Variants in GLI1 observed in about 807,000 individuals in gnomAD.
GLI1 encodes transcription activator GLI1.
GLI1 carries 51 observed loss-of-function variants against 87.8 expected under a neutral mutation model. The observed-to-expected ratio is 0.58, with a 90% CI of 0.46 to 0.73. The LOEUF is 0.73. Among genes scored for constraint, GLI1 ranks in the 30% least tolerant of loss-of-function variants. The pLI is 0.00. For synonymous variants in GLI1, 528 were observed against 558.2 expected (o/e 0.95, Z 0.76); for missense variants, 1,292 against 1,437.2 (o/e 0.90, Z 1.63).
intron 3 of GLI1, 143 bp downstream of exon 3, chr12:57,464,234 T>C (rs1871326798): frequency 1.5e-6 from 1 of 679,628 alleles, no homozygotes; most frequent in Non-Finnish European, 2.6e-6. Flanking sequence ...AAGTCACAGA[T>C]GGGGCCGGGC....
At position 57,470,535 on chromosome 12, in the gene GLI1, G is replaced by A. The variant is rs1196728531; in HGVS notation, c.1795G>A (p.Gly599Ser). The A allele has an allele frequency of 1.2e-6, 2 of 1,614,076 alleles. No individual in the cohort carries two copies. Among genetic ancestry groups the A allele is most frequent in the East Asian group, 2.2e-5 (1 of 44,882 alleles). ...GGCAAGATATGCTTCAGCCAGAGGG[G>A]GTGGTACTTCGCCCACTGCAGCATC... ...LRARYASARGGGTSPTAASSL... is the reference protein window; with the variant it reads ...LRARYASARGSGTSPTAASSL... The change falls in exon 12 of 12, where the codon GGT becomes AGT. Residue 599 changes from glycine (G) to serine (S), a missense_variant. Gly to Ser is a moderately conservative substitution (Grantham distance 56). Coordinates refer to ENST00000228682, the MANE Select transcript of GLI1 (RefSeq NM_005269.3).
intron 8 of GLI1, 51 bp downstream of exon 8, chr12:57,466,440 CCTT>C (rs1449474621): frequency 6.8e-7 from 1 of 1,466,360 alleles, no homozygotes; most frequent in South Asian, 1.2e-5. Flanking sequence ...TCAGGGCTCT[CCTT>C]CAAGGTAGGG....
chr12:57,471,504 G>C lies in GLI1; in HGVS notation c.2764G>C (p.Glu922Gln). ...GGGREDAPAQ[E>Q]PSYQSPKFLG... ...GGGCAGGGAAGATGCCCCCGCCCAG[G>C]AACCTTCCTACCAGAGTCCCAAGTT... Residue 922 changes from glutamate to glutamine, a missense_variant, in exon 12 of 12, where the codon GAA (glutamate) becomes CAA (glutamine). Transcript: ENST00000228682. This position sits in a 1 kb window ranked among gnomAD's most constrained non-coding sequence, Gnocchi z 4.9. The C allele has an allele frequency of 1.9e-6, 3 of 1,611,040 alleles. No individual in the cohort carries two copies. The highest frequency in any genetic ancestry group is 2.5e-6 in the Non-Finnish European group (3 of 1,178,954).
Position 57,471,374 on chromosome 12 carries a change from G to C in GLI1, c.2634G>C (p.Arg878Ser). 2 of 1,608,134 alleles carry C rather than the reference G, an allele frequency of 1.2e-6. No individual in the cohort carries two copies. Among genetic ancestry groups the C allele is most frequent in the Non-Finnish European group, 1.7e-6 (2 of 1,177,082 alleles). Residue 878 changes from arginine (R) to serine (S), a missense_variant, in exon 12 of 12, where the codon AGG becomes AGC. By Grantham distance (110) the Arg-to-Ser change is moderately radical. Coordinates refer to ENST00000228682, the MANE Select transcript of GLI1 (RefSeq NM_005269.3). This position sits in a 1 kb window ranked among gnomAD's most constrained non-coding sequence, Gnocchi z 4.9. Reference protein sequence around the residue: ...PPPDYLPSEPRPCLDFDSPTH... With the variant: ...PPPDYLPSEPSPCLDFDSPTH... ...CTGATTATCTTCCTTCAGAACCCAG[G>C]CCTTGCCTGGACTTTGATTCCCCCA...
At position 57,460,158 on chromosome 12, in the gene GLI1, T is replaced by C. The variant is rs1318701751; in HGVS notation, c.-71T>C. The C allele has an allele frequency of 6.8e-6, 1 of 147,852 alleles. No homozygotes were observed. The allele number at this position is 147,852 out of a possible 1,614,324, so 9.2% of individuals were successfully genotyped here. On this transcript the variant is annotated 5_prime_UTR_variant, in exon 1 of 12. Transcript: ENST00000228682. ...CCACCGCACACCCCCCAGCCCAGACTCCAGCCCTGGACCGCGCATCCCGAG... is the reference window on the plus strand; with the variant it reads ...CCACCGCACACCCCCCAGCCCAGACCCCAGCCCTGGACCGCGCATCCCGAG...
Position 57,470,356 on chromosome 12 carries a change from T to C in GLI1, c.1616T>C (p.Leu539Pro). Reference protein sequence around the residue: ...VSRRVGPPVSLERRSSSSSSI... With the variant: ...VSRRVGPPVSPERRSSSSSSI... ...CGCCGCGTGGGCCCCCCAGTCTCTCTTGAACGCCGCAGCAGCAGCTCCAGC... is the reference window on the plus strand; with the variant it reads ...CGCCGCGTGGGCCCCCCAGTCTCTCCTGAACGCCGCAGCAGCAGCTCCAGC... The change falls in exon 12 of 12, where the codon CTT becomes CCT. Residue 539 changes from leucine to proline, a missense_variant. This residue lies in a region of GLI1 where 897 missense variants were observed against 1,040.7 expected (regional missense o/e 0.86). Coordinates refer to ENST00000228682, the MANE Select transcript of GLI1 (RefSeq NM_005269.3). The C allele has an allele frequency of 6.2e-7, 1 of 1,603,310 alleles. No homozygotes were observed. The highest frequency in any genetic ancestry group is 1.1e-5 in the South Asian group (1 of 89,194).
intron 10 of GLI1, 75 bp from the exon 11 acceptor site, chr12:57,469,356 A>C (rs1038207501): frequency 6.8e-7 from 1 of 1,470,794 alleles, no homozygotes; most frequent in South Asian, 1.2e-5. Context: ...TCACTGGGAC[A>C]CAGGCTTCAG....
At chr12:57,468,308 C>T (rs1387524210) in intron 10 of GLI1, 84 bp downstream of exon 10, 2 of 838,072 alleles carry the variant, frequency 2.4e-6, no homozygotes, top group African/African-American at 1.7e-5. Context: ...CCCATCCATT[C>T]CCTCCTATAG....
chr12:57,466,632 G>A (rs1871506114), intron 8 of GLI1, among the ~76,000 whole-genome samples: 2 of 152,088 alleles, frequency 1.3e-5, no homozygotes, highest in African/African-American at 2.4e-5. Context: ...GGCCAGGCAC[G>A]GTGGCTCACA....
chr12:57,465,823 C>T lies in GLI1; in HGVS notation c.660C>T (p.Asp220=), dbSNP rs1253601449. 1.2e-6 allele frequency: 2 copies of T among 1,614,140 alleles called. No homozygotes were observed. The highest frequency in any genetic ancestry group is 1.7e-5 in the Admixed American group (1 of 60,026). The change falls in exon 7 of 12, where the codon GAC becomes GAT. Residue 220 remains aspartate, a synonymous_variant. Coordinates refer to ENST00000228682, the MANE Select transcript of GLI1 (RefSeq NM_005269.3). ...TGGGGATGCTGGATGGGCGGGAGGA[C>T]CTCGAGAGAGAGGAGAAGCGTGAGC... The part of the protein sequence containing the change: ...PLLGMLDGRE[D]LEREEKREPE...
intron 1 of GLI1, among the ~76,000 whole-genome samples, chr12:57,461,268 G>A (rs1871122224): frequency 6.6e-6 from 1 of 152,114 alleles, no homozygotes; most frequent in Admixed American, 6.5e-5. Flanking sequence ...GGTTTCCCGG[G>A]GGATATGTAA....
chr12:57,465,978 G>C lies in GLI1; in HGVS notation c.762+53G>C. The C allele has an allele frequency of 3.2e-6, 5 of 1,540,564 alleles. No individual in the cohort carries two copies. In the South Asian group the frequency reaches 4.5e-5, roughly 14 times the overall value. ...CTAGCCAGAACCTTTAGGAGATTCT[G>C]AGTGGGACATGGTGGAATCCGGCTG... On this transcript the variant is annotated intron_variant, in intron 7 of 11. Coordinates refer to ENST00000228682, the MANE Select transcript of GLI1 (RefSeq NM_005269.3).
intron 2 of GLI1, 24 bp downstream of exon 2, chr12:57,463,815 G>T: frequency 7.1e-7 from 1 of 1,404,382 alleles, no homozygotes. Context: ...CCAATCCCTG[G>T]GCCTTGAGGA....
At chr12:57,466,856 A>G (rs1005244107) in intron 8 of GLI1, among the ~76,000 whole-genome samples, 5 of 152,136 alleles carry the variant, frequency 3.3e-5, no homozygotes, top group African/African-American at 1.2e-4. Flanking sequence ...GTGAGCTGAG[A>G]TGGCGCCACT....
intron 10 of GLI1, 103 bp downstream of exon 10, chr12:57,468,327 C>T: frequency 1.4e-6 from 1 of 701,304 alleles, no homozygotes; most frequent in East Asian, 2.7e-5. Flanking sequence ...AGAAGTCACT[C>T]TTCTGTGACC....
chr12:57,470,452 C>T lies in GLI1; in HGVS notation c.1712C>T (p.Pro571Leu), dbSNP rs1871805661. ...LASPFPPGSP[P>L]ENGASSLPGL... ...TCTCCTTTCCCCCCTGGCTCCCCAC[C>T]AGAGAATGGAGCATCCTCCCTGCCT... Residue 571 changes from proline (P) to leucine (L), a missense_variant, in exon 12 of 12, where the codon CCA becomes CTA. Pro to Leu is a moderately conservative substitution (Grantham distance 98). Around this residue, in one of 3 missense-constraint regions of GLI1, gnomAD observed 897 missense variants for 1,040.7 expected, o/e 0.86. Coordinates refer to ENST00000228682, the MANE Select transcript of GLI1 (RefSeq NM_005269.3). The T allele has an allele frequency of 6.2e-7, 1 of 1,614,058 alleles. No individual in the cohort carries two copies. The highest frequency in any genetic ancestry group is 1.3e-5 in the African/African-American group (1 of 74,926).
chr12:57,470,804 G>GC lies in GLI1; in HGVS notation c.2070dup (p.Ser691GlnfsTer4). 1 of 1,611,806 alleles carries GC rather than the reference G, an allele frequency of 6.2e-7. No individual in the cohort carries two copies. The highest frequency in any genetic ancestry group is 8.5e-7 in the Non-Finnish European group (1 of 1,178,760). Reference sequence around the variant, plus strand: ...TCCCAACCTCTGTCTACTCACCACAGCCCCCCAGCATCACTGAGAATGCTG... The same window carrying GC: ...TCCCAACCTCTGTCTACTCACCACAGCCCCCCCAGCATCACTGAGAATGCTG... On this transcript the variant is annotated frameshift_variant, in exon 12 of 12. Transcript: ENST00000228682. LOFTEE classifies it high-confidence loss of function.
chr12:57,466,742 A>C (rs911046667), intron 8 of GLI1, among the ~76,000 whole-genome samples: 2 of 151,976 alleles, frequency 1.3e-5, no homozygotes, highest in African/African-American at 2.4e-5. Flanking sequence ...GTCTCTACTA[A>C]AAAATATAAA....
Position 57,469,566 on chromosome 12 carries a change from G to C in GLI1, c.1444G>C (p.Asp482His). The change falls in exon 11 of 12, where the codon GAC becomes CAC. Residue 482 changes from aspartate to histidine, a missense_variant. This residue lies in a region of GLI1 where 897 missense variants were observed against 1,040.7 expected (regional missense o/e 0.86). Coordinates refer to ENST00000228682, the MANE Select transcript of GLI1 (RefSeq NM_005269.3). ...CAGCACTGAAGACCTCTCCAGCTTG[G>C]ACGAGGGACCTTGCATTGCTGGCAC... ...GGSTEDLSSL[D>H]EGPCIAGTGL... 12 of 1,614,218 alleles carry C rather than the reference G, an allele frequency of 7.4e-6. No individual in the cohort carries two copies. The highest frequency in any genetic ancestry group is 1.0e-5 in the Non-Finnish European group (12 of 1,180,044).
Sources: allele counts gnomAD v4.1 joint callset (sites outside exome capture counted in the v4.1 genomes callset), GRCh38; gene constraint gnomAD v4.1.1; regional missense constraint gnomAD v4.1.1; non-coding constraint Gnocchi (gnomAD v3.1); transcripts MANE v1.5; gene names NCBI Gene and HGNC (gene_info 2026-07-23, HGNC 2026-07-21).